Variants in SIPA1L1 observed in about 807,000 individuals in gnomAD.
The protein encoded by SIPA1L1 is signal induced proliferation associated 1 like 1.
In SIPA1L1, 26 loss-of-function variants were observed where a neutral mutation model predicts 162.7. The ratio of observed to expected loss-of-function variants is 0.16; its 90% CI spans 0.12 to 0.22. SIPA1L1 has a LOEUF of 0.22. SIPA1L1 is among the 10% of genes least tolerant of loss of function. The pLI is 1.00. For missense variants in SIPA1L1, 1,874 were observed against 2,241.0 expected (o/e 0.84, Z 3.31); for synonymous variants, 829 against 837.4 (o/e 0.99, Z 0.17).
At chr14:71,637,546 A>G (rs1459681654) in intron 7 of SIPA1L1, among the ~76,000 whole-genome samples, 2 of 152,076 alleles carry the variant, frequency 1.3e-5, no homozygotes, top group African/African-American at 2.4e-5. Context: ...CCTGGGCAAC[A>G]TAGTGAGACA....
chr14:71,692,280 G>T lies in SIPA1L1; in HGVS notation c.3374+6649G>T, dbSNP rs564091890. ...ACATAGATATAAGTAGAATTATTTGGTTTTTGTTGACTAAGTTTAGAATAC... is the reference window on the plus strand; with the variant it reads ...ACATAGATATAAGTAGAATTATTTGTTTTTTGTTGACTAAGTTTAGAATAC... On this transcript the variant is annotated intron_variant, in intron 13 of 23. Coordinates refer to ENST00000381232, the MANE Select transcript of SIPA1L1 (RefSeq NM_001386936.1). Among the ~76,000 whole-genome samples the T allele has an allele frequency of 3.9e-5, 6 of 152,302 alleles. No individual in the cohort carries two copies. The East Asian group carries it at 7.7e-4, about 20-fold the overall frequency.
intron 2 of SIPA1L1, among the ~76,000 whole-genome samples, chr14:71,340,204 T>G (rs915670590): frequency 6.6e-6 from 1 of 152,238 alleles, no homozygotes; most frequent in Non-Finnish European, 1.5e-5. Context: ...TATGGTTTAT[T>G]ATTCATTCAT....
chr14:71,342,829 G>C (rs897844164), intron 2 of SIPA1L1, among the ~76,000 whole-genome samples: 1 of 152,048 alleles, frequency 6.6e-6, no homozygotes, highest in African/African-American at 2.4e-5. Flanking sequence ...AAGGATTTTT[G>C]GTGGTATAAT....
chr14:71,355,618 C>T (rs752675509), intron 2 of SIPA1L1, among the ~76,000 whole-genome samples: 1 of 152,170 alleles, frequency 6.6e-6, no homozygotes, highest in African/African-American at 2.4e-5. Context: ...AATATCTTGC[C>T]AAGTTACTGT....
intron 2 of SIPA1L1, among the ~76,000 whole-genome samples, chr14:71,473,511 T>C (rs2047625150): frequency 1.3e-5 from 2 of 152,224 alleles, no homozygotes; most frequent in Admixed American, 6.5e-5. Context: ...AATTTATTGG[T>C]CTTTTCATTT....
At chr14:71,324,795 T>G (rs917522942) in intron 2 of SIPA1L1, among the ~76,000 whole-genome samples, 7 of 152,220 alleles carry the variant, frequency 4.6e-5, no homozygotes, top group Non-Finnish European at 8.8e-5. Context: ...ACCATCCTTG[T>G]TTCTGGACCA....
At chr14:71,457,384 C>T (rs1441016531) in intron 2 of SIPA1L1, among the ~76,000 whole-genome samples, 2 of 151,798 alleles carry the variant, frequency 1.3e-5, no homozygotes, top group Non-Finnish European at 2.9e-5. Flanking sequence ...ACTGCAACCT[C>T]CGCCTCCCGG....
intron 2 of SIPA1L1, among the ~76,000 whole-genome samples, chr14:71,382,633 TCA>T (rs2039998861): frequency 6.6e-6 from 1 of 152,214 alleles, no homozygotes; most frequent in African/African-American, 2.4e-5. Context: ...AGAATTGCTC[TCA>T]GAGTTTCTCC....
intron 2 of SIPA1L1, among the ~76,000 whole-genome samples, chr14:71,355,162 T>C (rs1415346645): frequency 1.3e-5 from 2 of 152,228 alleles, no homozygotes; most frequent in African/African-American, 2.4e-5. Context: ...GTCAAAGATA[T>C]CAAATGTCCT....
chr14:71,345,994 G>A (rs140047454), intron 2 of SIPA1L1, among the ~76,000 whole-genome samples: 1,734 of 151,958 alleles, frequency 0.011, 15 homozygotes, highest in East Asian at 0.021. Flanking sequence ...TGCAGCCTCC[G>A]CTTCCCGGAT....
Position 71,722,744 on chromosome 14 carries a change from T to C in SIPA1L1, c.4209-903T>C, listed in dbSNP as rs563663768. ...ATGCAGACTTTAGTTGTATAATCTT[T>C]TTTATTTTTGAGATGGAGTCTCACT... On this transcript the variant is annotated intron_variant, in intron 17 of 23. Coordinates refer to ENST00000381232, the MANE Select transcript of SIPA1L1 (RefSeq NM_001386936.1). Among the ~76,000 whole-genome samples, 117 of 152,310 alleles carry C rather than the reference T, an allele frequency of 7.7e-4. 1 individual carries two copies. Among genetic ancestry groups the C allele is most frequent in the Admixed American group, 3.1e-3 (47 of 15,298 alleles).
chr14:71,560,001 C>CTT (rs2056659270), intron 4 of SIPA1L1, among the ~76,000 whole-genome samples: 1 of 152,066 alleles, frequency 6.6e-6, no homozygotes, highest in African/African-American at 2.4e-5. Context: ...TTAGTGGACT[C>CTT]TGATTATTGT....
intron 4 of SIPA1L1, among the ~76,000 whole-genome samples, chr14:71,582,075 A>G (rs987472042): frequency 1.3e-5 from 2 of 152,146 alleles, no homozygotes; most frequent in Non-Finnish European, 2.9e-5. Context: ...GGTTGGGTGC[A>G]CTGGCTTACT....
At chr14:71,411,331 C>T (rs146739137) in intron 2 of SIPA1L1, among the ~76,000 whole-genome samples, 263 of 152,264 alleles carry the variant, frequency 1.7e-3, no homozygotes, top group Non-Finnish European at 2.5e-3. Flanking sequence ...AATTTCATAT[C>T]GTGCACTACA....
At chr14:71,424,910 GA>G (rs752516839) in intron 2 of SIPA1L1, among the ~76,000 whole-genome samples, 73 of 152,036 alleles carry the variant, frequency 4.8e-4, no homozygotes, top group Middle Eastern at 3.4e-3. Context: ...TTTTTTGAGA[GA>G]TTTTTTTTAT....
intron 2 of SIPA1L1, among the ~76,000 whole-genome samples, chr14:71,433,959 A>C (rs1241353283): frequency 6.6e-6 from 1 of 152,162 alleles, no homozygotes; most frequent in Non-Finnish European, 1.5e-5. Flanking sequence ...ATGCCTCTCT[A>C]TTTTCCCACT....
At chr14:71,492,521 T>C (rs1038963467) in intron 2 of SIPA1L1, among the ~76,000 whole-genome samples, 1 of 152,210 alleles carries the variant, frequency 6.6e-6, no homozygotes, top group African/African-American at 2.4e-5. Flanking sequence ...ATATAGGTCA[T>C]GTTAATATAA....
chr14:71,598,746 C>T (rs1202771235), intron 5 of SIPA1L1, among the ~76,000 whole-genome samples: 1 of 151,904 alleles, frequency 6.6e-6, no homozygotes, highest in Non-Finnish European at 1.5e-5. Flanking sequence ...GTTAATTTCC[C>T]AGTTTTATTT....
chr14:71,523,290 G>C (rs748997383), intron 3 of SIPA1L1, among the ~76,000 whole-genome samples: 1 of 150,030 alleles, frequency 6.7e-6, no homozygotes, highest in African/African-American at 2.5e-5. Context: ...AGAGAAAAAG[G>C]CCTGCAACTA....
Sources: allele counts gnomAD v4.1 joint callset (sites outside exome capture counted in the v4.1 genomes callset), GRCh38; gene constraint gnomAD v4.1.1; transcripts MANE v1.5; gene names NCBI Gene and HGNC (gene_info 2026-07-23, HGNC 2026-07-21).